The following CHRM3 variants were observed in gnomAD, a reference collection of about 807,000 sequenced individuals.
CHRM3 encodes cholinergic receptor muscarinic 3.
A neutral mutation model predicts 41.8 loss-of-function variants in CHRM3; 11 were observed. That is an observed-to-expected ratio of 0.26 (90% CI 0.17 to 0.44). The LOEUF (loss-of-function observed/expected upper bound fraction) is 0.44. CHRM3 is among the 20% of genes least tolerant of loss of function. The pLI, the probability that CHRM3 is intolerant of heterozygous loss-of-function variation, is 1.00. For missense variants in CHRM3, 571 were observed against 745.4 expected (o/e 0.77, Z 2.72); for synonymous variants, 297 against 301.4 (o/e 0.99, Z 0.15).
intron 6 of CHRM3, among the ~76,000 whole-genome samples, chr1:239,900,276 GTC>G (rs1227307419): frequency 7.9e-6 from 1 of 127,268 alleles, no homozygotes; most frequent in Non-Finnish European, 1.6e-5. Context: ...CTGACCTACA[GTC>G]TTGATTCTCA....
At chr1:239,726,110 A>G (rs1263222852) in intron 5 of CHRM3, among the ~76,000 whole-genome samples, 1 of 151,966 alleles carries the variant, frequency 6.6e-6, no homozygotes. Flanking sequence ...CTACAACAGC[A>G]GAGCTGAGTA....
At chr1:239,569,894 T>C (rs557425236) in intron 3 of CHRM3, among the ~76,000 whole-genome samples, 39 of 152,296 alleles carry the variant, frequency 2.6e-4, no homozygotes, top group South Asian at 2.5e-3. Flanking sequence ...TAGATATATA[T>C]GATTTATCCC....
intron 4 of CHRM3, among the ~76,000 whole-genome samples, chr1:239,636,279 GTATT>G (rs1205599471): frequency 6.6e-6 from 1 of 152,186 alleles, no homozygotes; most frequent in Non-Finnish European, 1.5e-5. Flanking sequence ...CTTGATGCCA[GTATT>G]TAATCCATGT....
At chr1:239,521,741 T>A (rs1669654810) in intron 2 of CHRM3, among the ~76,000 whole-genome samples, 1 of 151,948 alleles carries the variant, frequency 6.6e-6, no homozygotes. Flanking sequence ...AATCTCAGAT[T>A]TAGTATACTA....
intron 5 of CHRM3, among the ~76,000 whole-genome samples, chr1:239,679,299 T>A (rs1440973323): frequency 6.6e-6 from 1 of 152,108 alleles, no homozygotes; most frequent in Non-Finnish European, 1.5e-5. Context: ...TGCCTCTGCC[T>A]CCTCCCCTGC....
At chr1:239,661,282 A>G (rs1297365040) in intron 4 of CHRM3, among the ~76,000 whole-genome samples, 1 of 152,256 alleles carries the variant, frequency 6.6e-6, no homozygotes, top group Non-Finnish European at 1.5e-5. Flanking sequence ...TCTAAGGTAG[A>G]GACCAAGCTG....
chr1:239,597,292 G>T (rs1052791766), intron 3 of CHRM3, among the ~76,000 whole-genome samples: 18 of 152,176 alleles, frequency 1.2e-4, no homozygotes, highest in African/African-American at 3.9e-4. Flanking sequence ...CATTTTTCGT[G>T]TTATAAAAAC....
At chr1:239,587,961 A>T (rs1663596552) in intron 3 of CHRM3, among the ~76,000 whole-genome samples, 1 of 152,198 alleles carries the variant, frequency 6.6e-6, no homozygotes, top group African/African-American at 2.4e-5. Flanking sequence ...TTTCTTTTAC[A>T]GTTATTTAAG....
intron 3 of CHRM3, among the ~76,000 whole-genome samples, chr1:239,562,840 G>T (rs1001446744): frequency 6.7e-6 from 1 of 149,220 alleles, no homozygotes; most frequent in African/African-American, 2.5e-5. Context: ...GTGAGCCGAG[G>T]TCGCGCCACT....
At chr1:239,844,675 T>C (rs757597220) in intron 6 of CHRM3, among the ~76,000 whole-genome samples, 9 of 152,218 alleles carry the variant, frequency 5.9e-5, no homozygotes, top group African/African-American at 9.6e-5. Flanking sequence ...TGTTATTCTA[T>C]TTAATAAACA....
chr1:239,611,749 A>G (rs1294086150), intron 3 of CHRM3, among the ~76,000 whole-genome samples: 2 of 152,150 alleles, frequency 1.3e-5, no homozygotes, highest in Non-Finnish European at 2.9e-5. Context: ...CATCTAATAG[A>G]AAACCTAATT....
intron 1 of CHRM3, among the ~76,000 whole-genome samples, chr1:239,458,436 C>T (rs964752174): frequency 1.3e-4 from 19 of 151,982 alleles, no homozygotes; most frequent in African/African-American, 4.6e-4. Flanking sequence ...GTGGTTTCAA[C>T]TAAGAAATAG....
intron 5 of CHRM3, among the ~76,000 whole-genome samples, chr1:239,793,803 A>AT (rs67460907): frequency 0.098 from 6,759 of 69,202 alleles, 710 homozygotes; most frequent in East Asian, 0.37. Flanking sequence ...TGAAATGTGT[A>AT]TTTTTTTTTT....
chr1:239,886,894 A>AT (rs1236439794), intron 6 of CHRM3, among the ~76,000 whole-genome samples: 1 of 152,056 alleles, frequency 6.6e-6, no homozygotes, highest in East Asian at 1.9e-4. Flanking sequence ...TTGATATGTG[A>AT]TTTTATCAAA....
chr1:239,684,674 AAAAG>A (rs894789332), intron 5 of CHRM3, among the ~76,000 whole-genome samples: 2 of 150,950 alleles, frequency 1.3e-5, no homozygotes, highest in East Asian at 2.0e-4. Context: ...AAGAAAGAAA[AAAAG>A]GAAGGAAGGA....
chr1:239,773,062 A>G (rs922548687), intron 5 of CHRM3, among the ~76,000 whole-genome samples: 8 of 152,188 alleles, frequency 5.3e-5, no homozygotes, highest in Admixed American at 5.2e-4. Context: ...TAGTGATATG[A>G]TAGGGAGATT....
intron 6 of CHRM3, among the ~76,000 whole-genome samples, chr1:239,841,158 A>C (rs1398353537): frequency 2.0e-5 from 3 of 152,158 alleles, no homozygotes; most frequent in Non-Finnish European, 1.5e-5. Context: ...TGGTCCATAA[A>C]AGTTGAGAAT....
intron 5 of CHRM3, among the ~76,000 whole-genome samples, chr1:239,822,298 G>T (rs1018703185): frequency 2.0e-5 from 3 of 152,180 alleles, no homozygotes; most frequent in Non-Finnish European, 4.4e-5. Context: ...CTGATGCTGA[G>T]ATTCCTGGAG....
At chr1:239,849,284 C>A (rs1674513161) in intron 6 of CHRM3, among the ~76,000 whole-genome samples, 1 of 152,166 alleles carries the variant, frequency 6.6e-6, no homozygotes, top group Admixed American at 6.6e-5. Context: ...TTCACTGTCC[C>A]AGTAGTCTCT....
Sources: allele counts gnomAD v4.1 joint callset (sites outside exome capture counted in the v4.1 genomes callset), GRCh38; gene constraint gnomAD v4.1.1; transcripts MANE v1.5; gene names NCBI Gene and HGNC (gene_info 2026-07-23, HGNC 2026-07-21).